The following ZNF548 variants were observed in gnomAD, a reference collection of about 807,000 sequenced individuals.
ZNF548 encodes the protein zinc finger protein 548.
ZNF548 carries 10 observed loss-of-function variants against 10.2 expected under a neutral mutation model. That is an observed-to-expected ratio of 0.98 (90% CI 0.60 to 1.66). The LOEUF (loss-of-function observed/expected upper bound fraction) is 1.66. Among genes scored for constraint, ZNF548 ranks in the 40% most tolerant of loss-of-function variants. The probability of loss-of-function intolerance (pLI) is 0.00; values close to 1 mark genes in which losing one functional copy is unlikely to be tolerated. For missense variants in ZNF548, 599 were observed against 657.0 expected, an observed-to-expected ratio of 0.91 and a Z score of 0.97; for synonymous variants, 217 against 223.5, an observed-to-expected ratio of 0.97 and a Z score of 0.26.
Position 57,399,565 on chromosome 19 carries a change from C to T in ZNF548, c.1314C>T (p.Cys438=), listed in dbSNP as rs370338949. The change falls in exon 4 of 4, where the codon TGC becomes TGT. Residue 438 remains cysteine, a synonymous_variant. Transcript: ENST00000336128. This position sits in a 1 kb window ranked among gnomAD's most constrained non-coding sequence, Gnocchi z 4.0. ...AAAGGCCTTATGAGTGCAGCGAATGCGGGAAATTCTTTCGTTACAACTCCA... is the reference window on the plus strand; with the variant it reads ...AAAGGCCTTATGAGTGCAGCGAATGTGGGAAATTCTTTCGTTACAACTCCA... ...TGERPYECSE[C]GKFFRYNSNL... The T allele has an allele frequency of 4.0e-5, 64 of 1,611,610 alleles. No individual in the cohort carries two copies. Among genetic ancestry groups the T allele is most frequent in the Non-Finnish European group, 5.2e-5 (61 of 1,179,292 alleles).
chr19:57,398,723 G>A lies in ZNF548; in HGVS notation c.472G>A (p.Val158Ile), dbSNP rs1240258646. The A allele has an allele frequency of 6.2e-7, 1 of 1,613,938 alleles. No homozygotes were observed. The change falls in exon 4 of 4, where the codon GTT becomes ATT. Residue 158 changes from valine to isoleucine, a missense_variant. Transcript: ENST00000336128. The part of the protein sequence containing the change: ...WIPSFGKNHR[V>I]HMAEEIFTCM... ...ACCTTCATTTGGGAAGAACCACAGA[G>A]TTCACATGGCAGAGGAGATCTTCAC...
Position 57,402,765 on chromosome 19 carries a change from C to T in ZNF548, c.*2876C>T, listed in dbSNP as rs748310338. On this transcript the variant is annotated 3_prime_UTR_variant, in exon 4 of 4. Transcript: ENST00000336128. ...GGAGATTAGCTTTTTAGGGAGAGAG[C>T]CAGCAGTTGAGCCTCCTGCATCTGA... 1 of 152,182 alleles carries T rather than the reference C, an allele frequency of 6.6e-6. No homozygotes were observed. The highest frequency in any genetic ancestry group is 1.5e-5 in the Non-Finnish European group (1 of 68,050). 9.4% of individuals were successfully genotyped at this position (152,182 alleles called of 1,614,324 possible).
chr19:57,396,958 G>A (rs998428736), intron 2 of ZNF548, 90 bp from the exon 3 acceptor site: 1 of 1,507,626 alleles, frequency 6.6e-7, no homozygotes, highest in Admixed American at 2.2e-5. Context: ...TGTGTTTAAT[G>A]GGTGGTAAAT....
intron 3 of ZNF548, among the ~76,000 whole-genome samples, chr19:57,398,065 A>G (rs2088679822): frequency 2.0e-5 from 3 of 152,144 alleles, no homozygotes; most frequent in Non-Finnish European, 4.4e-5. Context: ...GTATCCCTGA[A>G]CACAAGCTCC....
At chr19:57,394,851 A>G (rs569640647) in intron 2 of ZNF548, among the ~76,000 whole-genome samples, 43 of 152,156 alleles carry the variant, frequency 2.8e-4, no homozygotes, top group African/African-American at 7.7e-4. Flanking sequence ...GCAGCTGGGG[A>G]GGTGGGATAG....
In ZNF548 at chr19:57,399,938, A is replaced by G. The variant is rs950716117; in HGVS notation, c.*49A>G. 4 of 1,400,006 alleles carry G rather than the reference A, an allele frequency of 2.9e-6. No individual in the cohort carries two copies. The highest frequency in any genetic ancestry group is 3.8e-6 in the Non-Finnish European group (4 of 1,048,968). 86.7% of individuals were successfully genotyped at this position (1,400,006 alleles called of 1,614,324 possible). A position where few individuals can be genotyped will look rare whatever the true frequency, so the allele number is the denominator to read the frequency against. On this transcript the variant is annotated 3_prime_UTR_variant, in exon 4 of 4. Coordinates refer to ENST00000336128, the MANE Select transcript of ZNF548 (RefSeq NM_001172773.2). This position sits in a 1 kb window ranked among gnomAD's most constrained non-coding sequence, Gnocchi z 4.0. ...TATATAAATTCCACATTTTTATGCA[A>G]CTAATCTCCAGAACATTTTTCCTCT...
chr19:57,397,458 T>C (rs2088675424), intron 3 of ZNF548: 3 of 427,526 alleles, frequency 7.0e-6, no homozygotes, highest in Non-Finnish European at 1.2e-5. Flanking sequence ...CTGGTCAGGT[T>C]ACTCTGTCCA....
intron 1 of ZNF548, chr19:57,390,499 A>T (rs75993174): frequency 0.041 from 8,040 of 195,110 alleles, 621 homozygotes; most frequent in African/African-American, 0.17. Flanking sequence ...GAATGGACAC[A>T]GGGAGACGCG....
intron 1 of ZNF548, chr19:57,390,539 C>A: frequency 6.0e-6 from 1 of 167,928 alleles, no homozygotes; most frequent in Non-Finnish European, 1.3e-5. Context: ...GCAGTAGACC[C>A]AGGAGAATTA....
chr19:57,392,668 T>C (rs2088635335), intron 1 of ZNF548: 1 of 546,882 alleles, frequency 1.8e-6, no homozygotes, highest in Non-Finnish European at 2.3e-6. Flanking sequence ...AGTCAAATGC[T>C]TTACCACTGA....
At chr19:57,391,257 C>T (rs924646349) in intron 1 of ZNF548, among the ~76,000 whole-genome samples, 5 of 150,148 alleles carry the variant, frequency 3.3e-5, no homozygotes, top group African/African-American at 1.2e-4. Flanking sequence ...ATAATGGCCT[C>T]CAGTTCCATC....
Position 57,390,092 on chromosome 19 carries a change from C to T in ZNF548, c.-8C>T. 2 of 1,608,898 alleles carry T rather than the reference C, an allele frequency of 1.2e-6. No individual in the cohort carries two copies. Among genetic ancestry groups the T allele is most frequent in the East Asian group, 2.2e-5 (1 of 44,868 alleles). On this transcript the variant is annotated 5_prime_UTR_variant, in exon 1 of 4. Transcript: ENST00000336128. Reference sequence around the variant, plus strand: ...TCTTCCCTGGCTGGGCTGGCGGAGGCCTTGCTGATGAACCTGACTGAGGTG... The same window carrying T: ...TCTTCCCTGGCTGGGCTGGCGGAGGTCTTGCTGATGAACCTGACTGAGGTG...
At chr19:57,394,082 T>C (rs993682647) in intron 1 of ZNF548, 106 bp from the exon 2 acceptor site, 4 of 1,222,120 alleles carry the variant, frequency 3.3e-6, no homozygotes, top group African/African-American at 3.0e-5. Context: ...ATTCAATGAA[T>C]TGAGATCAGT....
At position 57,389,996 on chromosome 19, in the gene ZNF548, C is replaced by A; in HGVS notation, c.-104C>A. 3.7e-6 allele frequency: 5 copies of A among 1,356,032 alleles called. No individual in the cohort carries two copies. Among genetic ancestry groups the A allele is most frequent in the Non-Finnish European group, 4.0e-6 (4 of 1,006,954 alleles). The allele number at this position is 1,356,032 out of a possible 1,614,324, so 84.0% of individuals were successfully genotyped here. A position where few individuals can be genotyped will look rare whatever the true frequency, so the allele number is the denominator to read the frequency against. On this transcript the variant is annotated 5_prime_UTR_variant, in exon 1 of 4. Transcript: ENST00000336128. ...CGGCTCGGTTCCCACCACGGAGAGG[C>A]GGGAGTGAGTCAACTGACAAGCGCT...
At position 57,400,078 on chromosome 19, in the gene ZNF548, A is replaced by C. The variant is rs1472636469; in HGVS notation, c.*189A>C. 1 of 540,344 alleles carries C rather than the reference A, an allele frequency of 1.9e-6. No individual in the cohort carries two copies. Among genetic ancestry groups the C allele is most frequent in the African/African-American group, 1.9e-5 (1 of 53,278 alleles). 33.5% of individuals were successfully genotyped at this position (540,344 alleles called of 1,614,324 possible). Reference sequence around the variant, plus strand: ...TATGGTACTTATATGAGGTACCAATAGATATCTATGAATTTGATATATATT... The same window carrying C: ...TATGGTACTTATATGAGGTACCAATCGATATCTATGAATTTGATATATATT... On this transcript the variant is annotated 3_prime_UTR_variant, in exon 4 of 4. Transcript: ENST00000336128.
At position 57,395,536 on chromosome 19, in the gene ZNF548, G is replaced by A. The variant is rs2088658813; in HGVS notation, c.51+1313G>A. Among the ~76,000 whole-genome samples the A allele has an allele frequency of 1.3e-5, 2 of 152,214 alleles. No individual in the cohort carries two copies. The highest frequency in any genetic ancestry group is 4.2e-4 in the South Asian group (2 of 4,818). On this transcript the variant is annotated intron_variant, in intron 2 of 3. Coordinates refer to ENST00000336128, the MANE Select transcript of ZNF548 (RefSeq NM_001172773.2). This position sits in a 1 kb window ranked among gnomAD's most constrained non-coding sequence, Gnocchi z 4.8. Reference sequence around the variant, plus strand: ...CTGGCGGAAGGTGAAGGGGAAGCGAGGCACATCTTCCCATGATGGAGCAGG... The same window carrying A: ...CTGGCGGAAGGTGAAGGGGAAGCGAAGCACATCTTCCCATGATGGAGCAGG...
rs1486329275 is a variant in ZNF548 at position 57,390,122 on chromosome 19, T to C, written c.15+8T>C. The C allele has an allele frequency of 1.9e-6, 3 of 1,607,464 alleles. No individual in the cohort carries two copies. Among genetic ancestry groups the C allele is most frequent in the African/African-American group, 1.3e-5 (1 of 74,910 alleles). On this transcript the variant is annotated splice_region_variant and intron_variant, in intron 1 of 3. Coordinates refer to ENST00000336128, the MANE Select transcript of ZNF548 (RefSeq NM_001172773.2). ...CTGATGAACCTGACTGAGGTGGGTG[T>C]CCCGTCCCAGGCTCCCCCGCCCGAC...
chr19:57,398,941 C>A lies in ZNF548; in HGVS notation c.690C>A (p.Ile230=), dbSNP rs1211262289. The A allele has an allele frequency of 6.2e-7, 1 of 1,614,082 alleles. No homozygotes were observed. Among genetic ancestry groups the A allele is most frequent in the Non-Finnish European group, 8.5e-7 (1 of 1,179,950 alleles). ...CSYSFVEHQK[I]HTGERSYECN... The stretch of plus-strand genomic sequence containing the variant: ...ATTCATTTGTTGAGCACCAGAAAAT[C>A]CACACAGGAGAAAGGTCTTATGAAT... The change falls in exon 4 of 4, where the codon ATC becomes ATA. Residue 230 remains isoleucine, a synonymous_variant. Coordinates refer to ENST00000336128, the MANE Select transcript of ZNF548 (RefSeq NM_001172773.2).
rs1371549618 is a variant in ZNF548 at position 57,399,509 on chromosome 19, C to T, written c.1258C>T (p.Leu420Phe). 1.2e-6 allele frequency: 2 copies of T among 1,613,898 alleles called. No homozygotes were observed. The highest frequency in any genetic ancestry group is 1.7e-5 in the Admixed American group (1 of 60,000). Residue 420 changes from leucine to phenylalanine, a missense_variant, in exon 4 of 4, where the codon CTC becomes TTC. Leu to Phe is a conservative substitution (Grantham distance 22). Coordinates refer to ENST00000336128, the MANE Select transcript of ZNF548 (RefSeq NM_001172773.2). This position sits in a 1 kb window ranked among gnomAD's most constrained non-coding sequence, Gnocchi z 4.0. ...GAAATCATTTAGGTACCACTGCAGG[C>T]TCATTAGACACCAGAGAGTCCACAC... ...CGKSFRYHCRLIRHQRVHTGE... is the reference protein window; with the variant it reads ...CGKSFRYHCRFIRHQRVHTGE...
Sources: allele counts gnomAD v4.1 joint callset (sites outside exome capture counted in the v4.1 genomes callset), GRCh38; gene constraint gnomAD v4.1.1; non-coding constraint Gnocchi (gnomAD v3.1); transcripts MANE v1.5; gene names NCBI Gene and HGNC (gene_info 2026-07-23, HGNC 2026-07-21).